The following C16orf74 variants were observed in gnomAD, a reference collection of about 807,000 sequenced individuals.
C16orf74 encodes calcimembrin.
Under a neutral mutation model 6.5 loss-of-function variants are expected in C16orf74, and 10 were observed. The observed-to-expected ratio is 1.54, with a 90% CI of 0.95 to 2.61. The LOEUF is 2.61. Ranked by LOEUF, C16orf74 falls within the 30% of genes most tolerant of loss-of-function variation. The pLI is 0.00. For synonymous variants in C16orf74, 60 were observed against 42.5 expected (o/e 1.41, Z -1.60); for missense variants, 141 against 105.9 (o/e 1.33, Z -1.45).
intron 2 of C16orf74, among the ~76,000 whole-genome samples, chr16:85,734,965 C>T (rs2054228016): frequency 6.6e-6 from 1 of 152,232 alleles, no homozygotes; most frequent in Non-Finnish European, 1.5e-5. Flanking sequence ...CCCCAAGGCA[C>T]TGCCACCTTC....
At chr16:85,716,751 C>A (rs2054029523) in intron 2 of C16orf74, among the ~76,000 whole-genome samples, 1 of 151,824 alleles carries the variant, frequency 6.6e-6, no homozygotes, top group South Asian at 2.1e-4. Context: ...CACCCCAGCC[C>A]CTCTCACATC....
At chr16:85,738,073 G>A (rs2054263898) in intron 1 of C16orf74, among the ~76,000 whole-genome samples, 1 of 150,554 alleles carries the variant, frequency 6.6e-6, no homozygotes. Context: ...TGGACACCCT[G>A]GCTATAAAAC....
chr16:85,746,592 G>C (rs542047991), intron 1 of C16orf74, among the ~76,000 whole-genome samples: 1 of 152,238 alleles, frequency 6.6e-6, no homozygotes, highest in African/African-American at 2.4e-5. Flanking sequence ...TGCCCTGCTT[G>C]CCTAACAAAG....
At chr16:85,746,436 A>G (rs2054374043) in intron 1 of C16orf74, among the ~76,000 whole-genome samples, 1 of 152,196 alleles carries the variant, frequency 6.6e-6, no homozygotes, top group Non-Finnish European at 1.5e-5. Context: ...CACTCTATTC[A>G]AGGTCATCTG....
chr16:85,747,311 G>C (rs552961429), intron 1 of C16orf74, among the ~76,000 whole-genome samples: 41 of 152,310 alleles, frequency 2.7e-4, no homozygotes, highest in Admixed American at 8.5e-4. Flanking sequence ...AATTAGCTGG[G>C]TATGGTGGCA....
chr16:85,727,376 G>C (rs1304505967), intron 2 of C16orf74, among the ~76,000 whole-genome samples: 2 of 152,210 alleles, frequency 1.3e-5, no homozygotes, highest in African/African-American at 4.8e-5. Flanking sequence ...TGGCAGCCTG[G>C]GGTCCCCACA....
At chr16:85,717,086 C>A (rs1231407024) in intron 2 of C16orf74, among the ~76,000 whole-genome samples, 2 of 152,222 alleles carry the variant, frequency 1.3e-5, no homozygotes, top group Non-Finnish European at 2.9e-5. Context: ...TCACCAGGCC[C>A]TGACCCCCGC....
At chr16:85,708,689 T>C (rs1415648620) in intron 3 of C16orf74, among the ~76,000 whole-genome samples, 3 of 152,190 alleles carry the variant, frequency 2.0e-5, no homozygotes, top group South Asian at 2.1e-4. Flanking sequence ...ATGCGCCCCA[T>C]TGCACCCACC....
At chr16:85,708,631 T>A (rs2053936881) in intron 3 of C16orf74, among the ~76,000 whole-genome samples, 1 of 152,180 alleles carries the variant, frequency 6.6e-6, no homozygotes, top group African/African-American at 2.4e-5. Context: ...ATGAGATTTG[T>A]GAAAAGCATT....
chr16:85,713,039 C>T (rs420497), intron 2 of C16orf74, among the ~76,000 whole-genome samples: 146,764 of 152,244 alleles, frequency 0.96, 70,962 homozygotes, highest in East Asian at 1. Context: ...GTCAACCAGG[C>T]GGCTGGAACA....
chr16:85,708,766 G>A (rs2053938149), intron 3 of C16orf74, among the ~76,000 whole-genome samples: 1 of 152,164 alleles, frequency 6.6e-6, no homozygotes, highest in Non-Finnish European at 1.5e-5. Context: ...CCAGTCACTC[G>A]CTCTGCTGGG....
chr16:85,710,013 G>C, intron 3 of C16orf74, 151 bp downstream of exon 3: 1 of 610,508 alleles, frequency 1.6e-6, no homozygotes, highest in South Asian at 2.9e-5. Context: ...TCACGGTGCA[G>C]TGTACACAGG....
chr16:85,733,868 A>C (rs2054216763), intron 2 of C16orf74, among the ~76,000 whole-genome samples: 1 of 152,066 alleles, frequency 6.6e-6, no homozygotes. Flanking sequence ...AGGGGAACCA[A>C]TCTCTCCGCA....
chr16:85,727,055 A>G (rs1197827206), intron 2 of C16orf74, among the ~76,000 whole-genome samples: 1 of 152,236 alleles, frequency 6.6e-6, no homozygotes, highest in Non-Finnish European at 1.5e-5. Context: ...GTACACTCCC[A>G]GTGGCCAGGA....
chr16:85,733,677 C>G lies in C16orf74; in HGVS notation c.28+1513G>C, dbSNP rs527998612. Reference sequence around the variant, plus strand: ...AAGGGGTTAGGCTTGACCCTCTCAACCACTGTCTGCTGCTGAATTAACCTC... The same window carrying G: ...AAGGGGTTAGGCTTGACCCTCTCAAGCACTGTCTGCTGCTGAATTAACCTC... On this transcript the variant is annotated intron_variant, in intron 2 of 3. Transcript: ENST00000284245. Among the ~76,000 whole-genome samples, 104 of 152,292 alleles carry G rather than the reference C, an allele frequency of 6.8e-4. 1 individual carries two copies. In the South Asian group the frequency reaches 7.2e-3, roughly 11 times the overall value.
Position 85,707,908 on chromosome 16 carries a change from C to G in C16orf74, c.*100G>C. 9.7e-7 allele frequency: 1 copy of G among 1,025,684 alleles called. No homozygotes were observed. Among genetic ancestry groups the G allele is most frequent in the Non-Finnish European group, 1.5e-6 (1 of 685,914 alleles). The allele number at this position is 1,025,684 out of a possible 1,614,324, so 63.5% of individuals were successfully genotyped here. ...AGGCCCGGGTTCGCTCAGTTCCCAT[C>G]CAGGGTATTCAGCACACCTGCTCCA... On this transcript the variant is annotated 3_prime_UTR_variant, in exon 4 of 4. Transcript: ENST00000284245.
At chr16:85,733,922 G>A (rs574317929) in intron 2 of C16orf74, among the ~76,000 whole-genome samples, 1 of 152,324 alleles carries the variant, frequency 6.6e-6, no homozygotes, top group Admixed American at 6.5e-5. Flanking sequence ...CCTCCCTCCA[G>A]GCCAAAGGGG....
chr16:85,738,633 G>A (rs1241235311), intron 1 of C16orf74, among the ~76,000 whole-genome samples: 1 of 151,940 alleles, frequency 6.6e-6, no homozygotes, highest in African/African-American at 2.4e-5. Flanking sequence ...GCCGGGCCCG[G>A]CACTGGGATT....
chr16:85,717,751 C>T (rs181068553), intron 2 of C16orf74, among the ~76,000 whole-genome samples: 2 of 152,260 alleles, frequency 1.3e-5, no homozygotes, highest in Non-Finnish European at 2.9e-5. Flanking sequence ...AAGGAGAACA[C>T]TGAGCTTTGG....
Sources: gnomAD v4.1 joint callset for allele counts (sites outside exome capture counted in the v4.1 genomes callset) on GRCh38, gnomAD v4.1.1 for gene constraint, MANE v1.5 for transcripts, NCBI Gene and HGNC (gene_info 2026-07-23, HGNC 2026-07-21) for gene names.